ACSM3: variants seen among roughly 807,000 people sequenced by gnomAD.
ACSM3 encodes the protein acyl-CoA synthetase medium chain family member 3.
ACSM3 carries 61 observed loss-of-function variants against 74.1 expected under a neutral mutation model. The observed-to-expected ratio is 0.82, with a 90% CI of 0.67 to 1.02. The LOEUF is 1.02. Ranked by LOEUF, ACSM3 falls within the 50% of genes least tolerant of loss-of-function variation. The pLI is 0.00. For synonymous variants in ACSM3, 213 were observed against 241.5 expected (o/e 0.88, Z 1.09); for missense variants, 660 against 697.0 (o/e 0.95, Z 0.60).
intron 1 of ACSM3, chr16:20,738,919 GACA>G (rs777173334): frequency 5.6e-6 from 9 of 1,614,046 alleles, no homozygotes; most frequent in African/African-American, 4.0e-5. Context: ...TCCTGATGAA[GACA>G]ACGTTATTTG....
chr16:20,792,377 A>G, intron 12 of ACSM3, 42 bp downstream of exon 12: 7 of 1,607,116 alleles, frequency 4.4e-6, no homozygotes, highest in Non-Finnish European at 6.0e-6. Flanking sequence ...TTTGTTGGCA[A>G]TTTAACACAT....
intron 1 of ACSM3, chr16:20,735,988 A>G (rs1355709571): frequency 1.3e-5 from 2 of 152,210 alleles, no homozygotes; most frequent in Admixed American, 1.3e-4. Flanking sequence ...TTTTGACTAA[A>G]GGTGATTTCT....
intron 7 of ACSM3, among the ~76,000 whole-genome samples, chr16:20,783,019 T>C (rs1211616659): frequency 2.6e-5 from 4 of 152,172 alleles, no homozygotes; most frequent in Non-Finnish European, 5.9e-5. Context: ...TGATTGATTA[T>C]TAAGTCAATC....
intron 1 of ACSM3, chr16:20,698,887 G>C (rs528171458): frequency 1.3e-5 from 2 of 152,252 alleles, no homozygotes; most frequent in South Asian, 4.2e-4. Flanking sequence ...TCATTTGTTT[G>C]TTAGAACTAG....
At chr16:20,774,361 C>A (rs1008471793) in intron 2 of ACSM3, among the ~76,000 whole-genome samples, 2 of 151,960 alleles carry the variant, frequency 1.3e-5, no homozygotes, top group African/African-American at 4.8e-5. Context: ...CCTGCCTCAG[C>A]CTCCCAAGTA....
intron 1 of ACSM3, among the ~76,000 whole-genome samples, chr16:20,705,710 A>G (rs2079725508): frequency 6.6e-6 from 1 of 152,202 alleles, no homozygotes; most frequent in Non-Finnish European, 1.5e-5. Context: ...TAGATACACA[A>G]AGACACAGGA....
intron 12 of ACSM3, 179 bp from the exon 13 acceptor site, chr16:20,796,191 C>T: frequency 6.5e-6 from 7 of 1,079,218 alleles, no homozygotes; most frequent in Middle Eastern, 6.1e-4. Flanking sequence ...AGAAGCTCTC[C>T]TGTATTAGGT....
chr16:20,760,795 CCTT>C (rs1254685513), upstream of ACSM3, among the ~76,000 whole-genome samples: 1 of 152,130 alleles, frequency 6.6e-6, no homozygotes, highest in Non-Finnish European at 1.5e-5. Flanking sequence ...TTCATTAATT[CCTT>C]CTTCATCTTT....
At chr16:20,749,276 G>A (rs1451494986) in intron 1 of ACSM3, 1 of 152,030 alleles carries the variant, frequency 6.6e-6, no homozygotes, top group Non-Finnish European at 1.5e-5. Flanking sequence ...CCAAAGATAA[G>A]AATGAAGAGA....
chr16:20,740,706 C>T (rs1175606178), intron 1 of ACSM3, among the ~76,000 whole-genome samples: 1 of 152,156 alleles, frequency 6.6e-6, no homozygotes, highest in Admixed American at 6.6e-5. Context: ...CATTTAATCC[C>T]TCAGTGTGCG....
At chr16:20,698,199 A>C (rs1164311240) in intron 1 of ACSM3, among the ~76,000 whole-genome samples, 1 of 151,694 alleles carries the variant, frequency 6.6e-6, no homozygotes, top group African/African-American at 2.4e-5. Context: ...CAAAAAAAAA[A>C]AAAAAAAGAA....
intron 1 of ACSM3, chr16:20,682,575 C>G (rs1390553699): frequency 2.6e-6 from 2 of 762,778 alleles, no homozygotes; most frequent in Non-Finnish European, 4.4e-6. Context: ...AAAGTACAGG[C>G]CACAGAACAA....
At position 20,791,569 on chromosome 16, in the gene ACSM3, A is replaced by C. The variant is rs969020782; in HGVS notation, c.1327-433A>C. 5.3e-5 allele frequency among the ~76,000 whole-genome samples: 8 copies of C among 152,250 alleles called. No homozygotes were observed. The East Asian group carries it at 1.2e-3, about 22-fold the overall frequency. On this transcript the variant is annotated intron_variant, in intron 10 of 13. Transcript: ENST00000289416. ...AATTTCATCTTTATTTTCACAATCT[A>C]TCTCTTCCTAACTCTAATGCTTCTC...
intron 12 of ACSM3, among the ~76,000 whole-genome samples, chr16:20,795,694 TAC>T (rs2080708456): frequency 6.6e-6 from 1 of 152,064 alleles, no homozygotes; most frequent in South Asian, 2.1e-4. Context: ...GCGTTGGAGG[TAC>T]ATACTAGTTG....
rs114374731 is a variant in ACSM3, at chr16:20,790,020, C to T, written c.1225-567C>T. On this transcript the variant is annotated intron_variant, in intron 9 of 13. Coordinates refer to ENST00000289416, the MANE Select transcript of ACSM3 (RefSeq NM_005622.4). The surrounding 1 kb of genome is among the most constrained non-coding windows in gnomAD (Gnocchi z 4.0). ...ATCTATATTGTCTCAAAGGATATTA[C>T]CAAAATGTGATTATTGCTGGATGGT... Among the ~76,000 whole-genome samples, 1,012 of 152,094 alleles carry T rather than the reference C, an allele frequency of 6.7e-3. 18 individuals are homozygous for T. The highest frequency in any genetic ancestry group is 0.023 in the African/African-American group (952 of 41,500).
At chr16:20,741,504 G>A (rs921604567) in intron 1 of ACSM3, 3 of 233,660 alleles carry the variant, frequency 1.3e-5, no homozygotes, top group Non-Finnish European at 1.7e-5. Flanking sequence ...CCCCGGGACC[G>A]GTACCTTTTC....
At chr16:20,788,571 A>G (rs2080525454) in intron 9 of ACSM3, among the ~76,000 whole-genome samples, 1 of 152,220 alleles carries the variant, frequency 6.6e-6, no homozygotes, top group Non-Finnish European at 1.5e-5. Flanking sequence ...CTGCAGTAAC[A>G]TTCTGGCATC....
At chr16:20,789,975 G>A (rs1348159244) in intron 9 of ACSM3, among the ~76,000 whole-genome samples, 1 of 151,342 alleles carries the variant, frequency 6.6e-6, no homozygotes, top group East Asian at 2.0e-4. Context: ...CGCCCAGCCA[G>A]CAATCCTATT....
In ACSM3 at chr16:20,792,094, T is replaced by A. The variant is rs909834908; in HGVS notation, c.1419T>A (p.Phe473Leu). 5 of 1,614,034 alleles carry A rather than the reference T, an allele frequency of 3.1e-6. No individual in the cohort carries two copies. The highest frequency in any genetic ancestry group is 4.2e-6 in the Non-Finnish European group (5 of 1,180,012). The change falls in exon 11 of 14, where the codon TTT (phenylalanine) becomes TTA (leucine). Residue 473 changes from phenylalanine to leucine, a missense_variant. Phe to Leu is a conservative substitution (Grantham distance 22). Coordinates refer to ENST00000289416, the MANE Select transcript of ACSM3 (RefSeq NM_005622.4). ...TGGATAAAGATGGGTATTTCTGGTT[T>A]GTTGCAAGAGCAGATGATGTCATAT... The part of the protein sequence containing the change: ...GYMDKDGYFW[F>L]VARADDVILS...
Sources: allele counts gnomAD v4.1 joint callset (sites outside exome capture counted in the v4.1 genomes callset), GRCh38; gene constraint gnomAD v4.1.1; non-coding constraint Gnocchi (gnomAD v3.1); transcripts MANE v1.5; gene names NCBI Gene and HGNC (gene_info 2026-07-23, HGNC 2026-07-21).